The following XKR4 variants were observed in gnomAD, a reference collection of about 807,000 sequenced individuals.
XKR4 encodes XK related 4, also known as XK-related protein 4.
XKR4 carries 12 observed loss-of-function variants against 53.9 expected under a neutral mutation model. That is an observed-to-expected ratio of 0.22 (90% CI 0.14 to 0.36). The LOEUF (loss-of-function observed/expected upper bound fraction) is 0.36. XKR4 is among the 10% of genes least tolerant of loss of function. The probability of loss-of-function intolerance (pLI) is 1.00; values close to 1 mark genes in which losing one functional copy is unlikely to be tolerated. For synonymous variants in XKR4, 354 were observed against 362.4 expected, an observed-to-expected ratio of 0.98 and a Z score of 0.26; for missense variants, 799 against 859.5, an observed-to-expected ratio of 0.93 and a Z score of 0.88.
rs527605515 is a variant in XKR4, at chr8:55,172,146, C to T, written c.806+68852C>T. Among the ~76,000 whole-genome samples the T allele has an allele frequency of 2.5e-4, 38 of 150,928 alleles. No individual in the cohort carries two copies. In the South Asian group the frequency reaches 7.2e-3, roughly 28 times the overall value. ...TGAGAATCACTTGAACCCAGGTTGT[C>T]GGGGGTGGCTGCAGTGAGCCAAGAT... On this transcript the variant is annotated intron_variant, in intron 1 of 2. Coordinates refer to ENST00000327381, the MANE Select transcript of XKR4 (RefSeq NM_052898.2).
chr8:55,260,240 C>A (rs770582301), intron 1 of XKR4, among the ~76,000 whole-genome samples: 2 of 152,218 alleles, frequency 1.3e-5, no homozygotes, highest in Non-Finnish European at 2.9e-5. Context: ...ATCCAAAATT[C>A]TCCAGCTAGT....
chr8:55,317,325 A>G (rs566918870), intron 1 of XKR4, among the ~76,000 whole-genome samples: 1 of 152,216 alleles, frequency 6.6e-6, no homozygotes, highest in Non-Finnish European at 1.5e-5. Flanking sequence ...GATTGATCAC[A>G]GGTAAACAAA....
At chr8:55,353,517 AC>A (rs1563330922) in intron 1 of XKR4, among the ~76,000 whole-genome samples, 1 of 152,204 alleles carries the variant, frequency 6.6e-6, no homozygotes, top group Non-Finnish European at 1.5e-5. Context: ...CTCTGATGAC[AC>A]CCTGATTTCA....
chr8:55,455,627 T>C (rs1027430339), intron 2 of XKR4, among the ~76,000 whole-genome samples: 2 of 152,136 alleles, frequency 1.3e-5, no homozygotes, highest in African/African-American at 4.8e-5. Flanking sequence ...GGTAGACCAA[T>C]AAGAAATTGA....
chr8:55,480,042 CT>C (rs1440815902), intron 2 of XKR4, among the ~76,000 whole-genome samples: 2 of 152,262 alleles, frequency 1.3e-5, no homozygotes, highest in Admixed American at 6.5e-5. Flanking sequence ...TCCTCCCTAA[CT>C]CATTTTATGA....
At chr8:55,321,888 C>T (rs1803221675) in intron 1 of XKR4, among the ~76,000 whole-genome samples, 1 of 152,200 alleles carries the variant, frequency 6.6e-6, no homozygotes, top group Non-Finnish European at 1.5e-5. Context: ...ACTTGAGAGG[C>T]TGAGGCAGGA....
chr8:55,281,943 T>C (rs1381863305), intron 1 of XKR4, among the ~76,000 whole-genome samples: 1 of 152,212 alleles, frequency 6.6e-6, no homozygotes, highest in Non-Finnish European at 1.5e-5. Flanking sequence ...AGGACTCACC[T>C]AACATCTTCC....
At chr8:55,242,487 G>A (rs568983390) in intron 1 of XKR4, among the ~76,000 whole-genome samples, 3 of 152,298 alleles carry the variant, frequency 2.0e-5, no homozygotes, top group Non-Finnish European at 4.4e-5. Context: ...CTGCAAGAAG[G>A]AAGCATAGAC....
chr8:55,523,441 G>A lies in XKR4; in HGVS notation c.1167G>A (p.Thr389=), dbSNP rs1018855468. 2.5e-6 allele frequency: 4 copies of A among 1,614,070 alleles called. No individual in the cohort carries two copies. The highest frequency in any genetic ancestry group is 1.6e-4 in the Middle Eastern group (1 of 6,084). The change falls in exon 3 of 3, where the codon ACG becomes ACA. Residue 389 remains threonine, a synonymous_variant. Coordinates refer to ENST00000327381, the MANE Select transcript of XKR4 (RefSeq NM_052898.2). ...TCACCATCGCCGCCAGGGTCATCAC[G>A]TTTGCCCTCTTTGCCTCGGTTTTCC... ...HFFTIAARVI[T]FALFASVFQL... is the part of the protein sequence containing the mutation.
At chr8:55,334,045 T>C (rs1471346711) in intron 1 of XKR4, among the ~76,000 whole-genome samples, 2 of 152,202 alleles carry the variant, frequency 1.3e-5, no homozygotes, top group African/African-American at 4.8e-5. Context: ...AGTTTCCTAG[T>C]GTACCATGTT....
intron 2 of XKR4, among the ~76,000 whole-genome samples, chr8:55,506,847 A>T (rs1469506021): frequency 1.3e-5 from 2 of 152,366 alleles, no homozygotes; most frequent in East Asian, 3.9e-4. Context: ...AAATGCAGTG[A>T]CTATGCTGGT....
chr8:55,463,765 TA>T (rs1468970226), intron 2 of XKR4, among the ~76,000 whole-genome samples: 1 of 151,928 alleles, frequency 6.6e-6, no homozygotes, highest in African/African-American at 2.4e-5. Context: ...AAGAATCAAA[TA>T]GACGCAATAA....
intron 2 of XKR4, among the ~76,000 whole-genome samples, chr8:55,499,786 C>T (rs1164759761): frequency 6.6e-6 from 1 of 152,160 alleles, no homozygotes; most frequent in East Asian, 1.9e-4. Flanking sequence ...AGCTGTTGCG[C>T]TGTCTTTAGC....
intron 2 of XKR4, among the ~76,000 whole-genome samples, chr8:55,501,584 C>T (rs1036739754): frequency 3.9e-5 from 6 of 152,104 alleles, no homozygotes; most frequent in African/African-American, 1.4e-4. Context: ...ACTTATTTCA[C>T]TTGTTGTAAT....
At chr8:55,114,851 GCC>G (rs1816284497) in intron 1 of XKR4, among the ~76,000 whole-genome samples, 1 of 152,284 alleles carries the variant, frequency 6.6e-6, no homozygotes, top group Non-Finnish European at 1.5e-5. Context: ...ACCAGTGTTA[GCC>G]CCTTTATTCA....
chr8:55,203,814 T>A (rs1458234872), intron 1 of XKR4, among the ~76,000 whole-genome samples: 1 of 152,092 alleles, frequency 6.6e-6, no homozygotes, highest in African/African-American at 2.4e-5. Flanking sequence ...GGTTTCTGGC[T>A]CTCGGGAAAA....
At chr8:55,139,512 C>CAAAAAAAAA (rs5891559) in intron 1 of XKR4, among the ~76,000 whole-genome samples, 9 of 114,490 alleles carry the variant, frequency 7.9e-5, no homozygotes, top group East Asian at 2.4e-4. Context: ...GACTCCGTCT[C>CAAAAAAAAA]AAAAAAAAAA....
chr8:55,439,145 T>C, intron 2 of XKR4, among the ~76,000 whole-genome samples: 1 of 152,258 alleles, frequency 6.6e-6, no homozygotes, highest in East Asian at 1.9e-4. Context: ...GACATGTGTC[T>C]TAAGTTCACA....
intron 1 of XKR4, among the ~76,000 whole-genome samples, chr8:55,212,377 T>C (rs1388162866): frequency 6.6e-6 from 1 of 152,166 alleles, no homozygotes; most frequent in Non-Finnish European, 1.5e-5. Context: ...GAAATACATT[T>C]TGGAGTAAAA....
Sources: allele counts gnomAD v4.1 joint callset (sites outside exome capture counted in the v4.1 genomes callset), GRCh38; gene constraint gnomAD v4.1.1; transcripts MANE v1.5; gene names NCBI Gene and HGNC (gene_info 2026-07-23, HGNC 2026-07-21).